TRAF7: variants seen among roughly 807,000 people sequenced by gnomAD.
TRAF7 encodes E3 ubiquitin-protein ligase TRAF7.
Under a neutral mutation model 89.3 loss-of-function variants are expected in TRAF7, and 45 were observed. The observed-to-expected ratio is 0.50, with a 90% CI of 0.40 to 0.65. The LOEUF (loss-of-function observed/expected upper bound fraction) is 0.65. Ranked by LOEUF, TRAF7 falls within the 30% of genes least tolerant of loss-of-function variation. The pLI, the probability that TRAF7 is intolerant of heterozygous loss-of-function variation, is 0.00. For missense variants in TRAF7, 677 were observed against 918.1 expected, an observed-to-expected ratio of 0.74 and a Z score of 3.39; for synonymous variants, 406 against 369.2, an observed-to-expected ratio of 1.10 and a Z score of -1.14.
chr16:2,176,740 CCTCTA>C lies in TRAF7; in HGVS notation c.*170_*174del, dbSNP rs1340038569. On this transcript the variant is annotated 3_prime_UTR_variant, in exon 21 of 21. Coordinates refer to ENST00000326181, the MANE Select transcript of TRAF7 (RefSeq NM_032271.3). ...CCCCGTCCCATGCTCGGCGAGCCTC[CCTCTA>C]CTCGGCACTGTCCTTGCTGCCCAGC... 6 of 1,013,824 alleles carry C rather than the reference CCTCTA, an allele frequency of 5.9e-6. No individual in the cohort carries two copies. The highest frequency in any genetic ancestry group is 1.4e-5 in the South Asian group (1 of 71,276). 62.8% of individuals were successfully genotyped at this position (1,013,824 alleles called of 1,614,324 possible). A position where few individuals can be genotyped will look rare whatever the true frequency, so the allele number is the denominator to read the frequency against.
chr16:2,167,614 C>T (rs1460332615), intron 3 of TRAF7, among the ~76,000 whole-genome samples: 2 of 152,188 alleles, frequency 1.3e-5, no homozygotes, highest in Non-Finnish European at 2.9e-5. Flanking sequence ...ACCTCAGCTT[C>T]CCCCTCTGTG....
chr16:2,166,991 A>T (rs147954407), intron 3 of TRAF7, among the ~76,000 whole-genome samples: 1 of 152,198 alleles, frequency 6.6e-6, no homozygotes, highest in Non-Finnish European at 1.5e-5. Context: ...AATTGCTCTG[A>T]TAAACCTGGC....
Position 2,162,935 on chromosome 16 carries a change from G to T in TRAF7, c.-38-948G>T, listed in dbSNP as rs940222918. On this transcript the variant is annotated intron_variant, in intron 1 of 20. Coordinates refer to ENST00000326181, the MANE Select transcript of TRAF7 (RefSeq NM_032271.3). This position sits in a 1 kb window ranked among gnomAD's most constrained non-coding sequence, Gnocchi z 5.0. ...AGTCCTGAAAGTGGGACCTGCTCGGGAGGAGGGGCGCCTGCTGACAGAGCC... is the reference window on the plus strand; with the variant it reads ...AGTCCTGAAAGTGGGACCTGCTCGGTAGGAGGGGCGCCTGCTGACAGAGCC... 3.3e-5 allele frequency among the ~76,000 whole-genome samples: 5 copies of T among 152,174 alleles called. No individual in the cohort carries two copies. Among genetic ancestry groups the T allele is most frequent in the Admixed American group, 2.0e-4 (3 of 15,292 alleles).
Position 2,177,761 on chromosome 16 carries a change from A to G in TRAF7, c.*1187A>G, listed in dbSNP as rs1414480070. 12 of 242,922 alleles carry G rather than the reference A, an allele frequency of 4.9e-5. No homozygotes were observed. In the Admixed American group the frequency reaches 6.0e-4, roughly 12 times the overall value. 15.0% of individuals were successfully genotyped at this position (242,922 alleles called of 1,614,324 possible). A position where few individuals can be genotyped will look rare whatever the true frequency, so the allele number is the denominator to read the frequency against. ...CCCACCCGCGCCCTGGGACGCAGCCACGCCAGGAGGAGGACACGGCCGCCG... is the reference window on the plus strand; with the variant it reads ...CCCACCCGCGCCCTGGGACGCAGCCGCGCCAGGAGGAGGACACGGCCGCCG... On this transcript the variant is annotated 3_prime_UTR_variant, in exon 21 of 21. Coordinates refer to ENST00000326181, the MANE Select transcript of TRAF7 (RefSeq NM_032271.3).
intron 3 of TRAF7, among the ~76,000 whole-genome samples, chr16:2,167,170 C>T (rs546586868): frequency 2.6e-5 from 4 of 152,272 alleles, no homozygotes; most frequent in East Asian, 1.9e-4. Flanking sequence ...TGTCACACGG[C>T]GGAAGGTACC....
intron 10 of TRAF7, 21 bp downstream of exon 10, chr16:2,173,420 A>G: frequency 1.2e-6 from 2 of 1,612,492 alleles, no homozygotes; most frequent in Non-Finnish European, 1.7e-6. Context: ...GCACCGGGGC[A>G]GGCAGGGGCC....
rs575451989 is a variant in TRAF7 at position 2,163,819 on chromosome 16, C to T, written c.-38-64C>T. On this transcript the variant is annotated intron_variant, in intron 1 of 20. Transcript: ENST00000326181. The surrounding 1 kb of genome is among the most constrained non-coding windows in gnomAD (Gnocchi z 4.3). Reference sequence around the variant, plus strand: ...CAGCAGGTCTGCACACTTGCAGCAGCCCGTCTGACTCACAGGGGCCTGGGC... The same window carrying T: ...CAGCAGGTCTGCACACTTGCAGCAGTCCGTCTGACTCACAGGGGCCTGGGC... The T allele has an allele frequency of 1.6e-3, 1,717 of 1,083,206 alleles. 15 individuals carry two copies. The highest frequency in any genetic ancestry group is 0.011 in the South Asian group (809 of 75,154). The allele number at this position is 1,083,206 out of a possible 1,614,324, so 67.1% of individuals were successfully genotyped here.
intron 14 of TRAF7, 76 bp from the exon 15 acceptor site, chr16:2,175,035 A>C (rs1596679596): frequency 1.3e-6 from 2 of 1,570,134 alleles, no homozygotes; most frequent in Non-Finnish European, 1.8e-6. Context: ...GCTGGCATGG[A>C]CCTCGGGCCC....
chr16:2,164,066 T>C, intron 2 of TRAF7, 65 bp downstream of exon 2: 1 of 1,454,268 alleles, frequency 6.9e-7, no homozygotes. Flanking sequence ...AGGGATCTGG[T>C]GTTGCCTGCA....
chr16:2,163,512 A>G lies in TRAF7; in HGVS notation c.-38-371A>G. ...ACCCTGGGCCTACCCACCAAGGCCC[A>G]GCCTTGGCCCCAGGGACATTCAGCC... is the stretch of plus-strand genomic sequence containing the variant. On this transcript the variant is annotated intron_variant, in intron 1 of 20. Coordinates refer to ENST00000326181, the MANE Select transcript of TRAF7 (RefSeq NM_032271.3). The surrounding 1 kb of genome is among the most constrained non-coding windows in gnomAD (Gnocchi z 4.3). 1 of 248,978 alleles carries G rather than the reference A, an allele frequency of 4.0e-6. No homozygotes were observed. Among genetic ancestry groups the G allele is most frequent in the Non-Finnish European group, 8.0e-6 (1 of 124,434 alleles). 15.4% of individuals were successfully genotyped at this position (248,978 alleles called of 1,614,324 possible).
intron 2 of TRAF7, among the ~76,000 whole-genome samples, chr16:2,165,095 G>T (rs563922858): frequency 8.0e-6 from 1 of 125,046 alleles, no homozygotes; most frequent in Non-Finnish European, 1.6e-5. Context: ...TGGCCTGGTC[G>T]CATGGTTAAG....
At chr16:2,156,353 T>C (rs929034624) in intron 1 of TRAF7, among the ~76,000 whole-genome samples, 3 of 151,908 alleles carry the variant, frequency 2.0e-5, no homozygotes, top group Non-Finnish European at 4.4e-5. Context: ...CCTTCCTCAA[T>C]TGCGATAACA....
chr16:2,156,677 C>A (rs1183875406), intron 1 of TRAF7, among the ~76,000 whole-genome samples: 2 of 112,902 alleles, frequency 1.8e-5, no homozygotes, highest in African/African-American at 7.0e-5. Flanking sequence ...CAAGCACTGG[C>A]AAGTGGAGAG....
chr16:2,168,215 A>G lies in TRAF7; in HGVS notation c.231+47A>G, dbSNP rs1001853254. 16 of 1,504,646 alleles carry G rather than the reference A, an allele frequency of 1.1e-5. No individual in the cohort carries two copies. The Admixed American group carries it at 1.3e-4, about 12-fold the overall frequency. The allele number at this position is 1,504,646 out of a possible 1,614,324, so 93.2% of individuals were successfully genotyped here. On this transcript the variant is annotated intron_variant, in intron 4 of 20. Coordinates refer to ENST00000326181, the MANE Select transcript of TRAF7 (RefSeq NM_032271.3). The surrounding 1 kb of genome is among the most constrained non-coding windows in gnomAD (Gnocchi z 4.1). ...CCCGTGTGAGCCTCAGCCTCCCCCC[A>G]TCCTCCCTCCTGGGGGAACCAGGTC...
chr16:2,161,017 A>C lies in TRAF7; in HGVS notation c.-38-2866A>C. 6.6e-6 allele frequency among the ~76,000 whole-genome samples: 1 copy of C among 152,140 alleles called. No homozygotes were observed. The highest frequency in any genetic ancestry group is 2.1e-4 in the South Asian group (1 of 4,828). ...GGGGAGGCCTCGGGCATCTTGCTCA[A>C]TTCCGAGGTGCGGGGATGGATCCTG... On this transcript the variant is annotated intron_variant, in intron 1 of 20. Transcript: ENST00000326181. The surrounding 1 kb of genome is among the most constrained non-coding windows in gnomAD (Gnocchi z 5.2).
chr16:2,174,327 TC>T lies in TRAF7; in HGVS notation c.1342del (p.Gln448ArgfsTer25). The T allele has an allele frequency of 6.2e-7, 1 of 1,612,992 alleles. No homozygotes were observed. The highest frequency in any genetic ancestry group is 8.5e-7 in the Non-Finnish European group (1 of 1,179,914). ...GHDGIVLALC[I>X]QGCKLYSGSA... ...GATGGCATCGTGCTGGCTCTCTGCATCCAGGGGTGAGTCCAGGCACATGTGT... is the reference window on the plus strand; with the variant it reads ...GATGGCATCGTGCTGGCTCTCTGCATCAGGGGTGAGTCCAGGCACATGTGT... On this transcript the variant is annotated frameshift_variant, in exon 14 of 21. Transcript: ENST00000326181. LOFTEE classifies it high-confidence loss of function.
chr16:2,174,669 A>G (rs1332439774), intron 14 of TRAF7, among the ~76,000 whole-genome samples: 1 of 152,204 alleles, frequency 6.6e-6, no homozygotes, highest in Non-Finnish European at 1.5e-5. Context: ...CCTGCAGCCA[A>G]AGCCCAGGGC....
chr16:2,157,201 CCT>C (rs1241062218), intron 1 of TRAF7, among the ~76,000 whole-genome samples: 2 of 152,086 alleles, frequency 1.3e-5, no homozygotes, highest in Non-Finnish European at 2.9e-5. Flanking sequence ...CTTCCCTGTG[CCT>C]CTCTGTTGCG....
At position 2,170,594 on chromosome 16, in the gene TRAF7, G is replaced by T; in HGVS notation, c.232-20G>T. 6.3e-7 allele frequency: 1 copy of T among 1,599,638 alleles called. No homozygotes were observed. On this transcript the variant is annotated intron_variant, in intron 4 of 20. Coordinates refer to ENST00000326181, the MANE Select transcript of TRAF7 (RefSeq NM_032271.3). ...GACCCCGTGCGGAGCCCCCCGACAG[G>T]CGCCTCTCCCTCCACACAGCCCCCC...
Sources: gnomAD v4.1 joint callset for allele counts (sites outside exome capture counted in the v4.1 genomes callset) on GRCh38, gnomAD v4.1.1 for gene constraint, Gnocchi (gnomAD v3.1) non-coding constraint, MANE v1.5 for transcripts, NCBI Gene and HGNC (gene_info 2026-07-23, HGNC 2026-07-21) for gene names.